The following IL17RD variants were observed in gnomAD, a reference collection of about 807,000 sequenced individuals.
The protein encoded by IL17RD is interleukin-17 receptor D.
IL17RD carries 52 observed loss-of-function variants against 80.5 expected under a neutral mutation model. That is an observed-to-expected ratio of 0.65 (90% CI 0.52 to 0.81). The LOEUF (loss-of-function observed/expected upper bound fraction) is 0.81, where lower values mean the gene tolerates loss of function less well. Among genes scored for constraint, IL17RD ranks in the 40% least tolerant of loss-of-function variants. The pLI is 0.00. For synonymous variants in IL17RD, 416 were observed against 391.8 expected (o/e 1.06, Z -0.73); for missense variants, 1,024 against 955.1 (o/e 1.07, Z -0.95).
At chr3:57,140,512 G>C (rs540604753) in intron 1 of IL17RD, among the ~76,000 whole-genome samples, 1 of 152,316 alleles carries the variant, frequency 6.6e-6, no homozygotes, top group South Asian at 2.1e-4. Flanking sequence ...CAAAAATGGT[G>C]AATGTTTGCA....
chr3:57,156,913 T>C (rs1579321965), intron 1 of IL17RD, among the ~76,000 whole-genome samples: 1 of 152,308 alleles, frequency 6.6e-6, no homozygotes, highest in Middle Eastern at 3.4e-3. Context: ...CTTCTTCATC[T>C]AAGCCTCCCA....
At position 57,106,102 on chromosome 3, in the gene IL17RD, T is replaced by C; in HGVS notation, c.595+8A>G. On this transcript the variant is annotated splice_region_variant and intron_variant, in intron 6 of 12. Transcript: ENST00000296318. ...TGAGACTTGATAGATAAGAACACTA[T>C]TACTTACAGGGTTTACAAGCTAGAT... 6.2e-7 allele frequency: 1 copy of C among 1,611,720 alleles called. No individual in the cohort carries two copies. The highest frequency in any genetic ancestry group is 8.5e-7 in the Non-Finnish European group (1 of 1,177,992).
At chr3:57,104,931 T>C (rs1003168129) in intron 7 of IL17RD, among the ~76,000 whole-genome samples, 13 of 152,148 alleles carry the variant, frequency 8.5e-5, no homozygotes, top group Admixed American at 2.6e-4. Flanking sequence ...GACAGTCCTG[T>C]GAACATCCAT....
intron 1 of IL17RD, among the ~76,000 whole-genome samples, chr3:57,132,041 C>A (rs1299807055): frequency 6.6e-6 from 1 of 152,068 alleles, no homozygotes; most frequent in South Asian, 2.1e-4. Flanking sequence ...AAAATATTAG[C>A]CAGACATGGT....
At chr3:57,118,600 T>G (rs913280470) in intron 2 of IL17RD, among the ~76,000 whole-genome samples, 6 of 152,150 alleles carry the variant, frequency 3.9e-5, no homozygotes, top group Non-Finnish European at 8.8e-5. Flanking sequence ...TACCTTCTTA[T>G]GAATGAAAGG....
chr3:57,167,799 T>C (rs2060354474), upstream of IL17RD, among the ~76,000 whole-genome samples: 1 of 152,204 alleles, frequency 6.6e-6, no homozygotes, highest in Non-Finnish European at 1.5e-5. Flanking sequence ...AGGTAGATCA[T>C]GTTCCTATGT....
chr3:57,098,386 T>C lies in IL17RD; in HGVS notation c.1317A>G (p.Gly439=), dbSNP rs200025574. 47 of 1,613,890 alleles carry C rather than the reference T, an allele frequency of 2.9e-5. No homozygotes were observed. Among genetic ancestry groups the C allele is most frequent in the Non-Finnish European group, 3.6e-5 (43 of 1,179,900 alleles). ...CTCCTTTCCCCGAGCCTCGGCCACC[T>C]CCTTTGTGTTTGTAGTTCTTCTTGT... ...FVDKKNYKHK[G]GGRGSGKGEL... The change falls in exon 12 of 13, where the codon GGA becomes GGG. Residue 439 remains glycine, a synonymous_variant. Transcript: ENST00000296318.
chr3:57,110,001 A>G (rs1707057739), intron 4 of IL17RD, among the ~76,000 whole-genome samples, 192 bp downstream of exon 4: 1 of 152,204 alleles, frequency 6.6e-6, no homozygotes, highest in South Asian at 2.1e-4. Flanking sequence ...GCATGTTTAC[A>G]CAGGGAGGTG....
chr3:57,163,952 C>A (rs987101338), intron 1 of IL17RD, among the ~76,000 whole-genome samples: 1 of 152,144 alleles, frequency 6.6e-6, no homozygotes, highest in Non-Finnish European at 1.5e-5. Context: ...TTGGAGGCAC[C>A]AGCCTGCGTG....
rs1277269016 is a variant in IL17RD at position 57,098,114 on chromosome 3, C to T, written c.1589G>A (p.Arg530Lys). The T allele has an allele frequency of 3.1e-6, 5 of 1,613,972 alleles. No individual in the cohort carries two copies. Among genetic ancestry groups the T allele is most frequent in the Non-Finnish European group, 3.4e-6 (4 of 1,179,890 alleles). The change falls in exon 12 of 13, where the codon AGA (arginine) becomes AAA (lysine). Residue 530 changes from arginine to lysine, a missense_variant. Arg to Lys is a conservative substitution (Grantham distance 26). Coordinates refer to ENST00000296318, the MANE Select transcript of IL17RD (RefSeq NM_017563.5). Reference protein sequence around the residue: ...EPGQHTRQGSRRNYFRSKSGR... With the variant: ...EPGQHTRQGSKRNYFRSKSGR... ...TGACTTGCTCCGGAAGTAGTTCCTT[C>T]TGCTGCCCTGTCGCGTGTGCTGCCC...
At chr3:57,163,169 G>A (rs2107548633) in intron 1 of IL17RD, among the ~76,000 whole-genome samples, 1 of 152,316 alleles carries the variant, frequency 6.6e-6, no homozygotes, top group African/African-American at 2.4e-5. Flanking sequence ...TATCAGCCTG[G>A]ATGAGCCTGG....
chr3:57,125,361 C>T (rs895484373), intron 1 of IL17RD, among the ~76,000 whole-genome samples: 3 of 151,988 alleles, frequency 2.0e-5, no homozygotes, highest in Admixed American at 6.5e-5. Context: ...GAGCCAAGAT[C>T]GCGCCATTTC....
chr3:57,096,430 C>T lies in IL17RD; in HGVS notation c.2183G>A (p.Ser728Asn), dbSNP rs1354717642. The change falls in exon 13 of 13, where the codon AGC becomes AAC. Residue 728 changes from serine to asparagine, a missense_variant. Coordinates refer to ENST00000296318, the MANE Select transcript of IL17RD (RefSeq NM_017563.5). Reference sequence around the variant, plus strand: ...GACCGCGTGGAGTTCATCAGTGTAGCTGCGGCAACCAAGATCTGCTTTGCA... The same window carrying T: ...GACCGCGTGGAGTTCATCAGTGTAGTTGCGGCAACCAAGATCTGCTTTGCA... ...GSCKADLGCR[S>N]YTDELHAVAP... 22 of 1,613,992 alleles carry T rather than the reference C, an allele frequency of 1.4e-5. No homozygotes were observed. The highest frequency in any genetic ancestry group is 1.9e-5 in the Non-Finnish European group (22 of 1,179,874).
intron 1 of IL17RD, among the ~76,000 whole-genome samples, chr3:57,145,561 A>G (rs1321333042): frequency 6.6e-6 from 1 of 152,192 alleles, no homozygotes; most frequent in African/African-American, 2.4e-5. Flanking sequence ...GATCTGCAAC[A>G]ATGGTCAGAG....
intron 1 of IL17RD, among the ~76,000 whole-genome samples, chr3:57,163,785 C>CGGGGGG: frequency 6.3e-5 from 1 of 15,962 alleles, no homozygotes; most frequent in East Asian, 1.0e-3. Flanking sequence ...CCTAATGGGG[C>CGGGGGG]GGGGGGGCGG....
chr3:57,151,235 A>G (rs1708054252), intron 1 of IL17RD, among the ~76,000 whole-genome samples: 1 of 152,172 alleles, frequency 6.6e-6, no homozygotes, highest in South Asian at 2.1e-4. Context: ...AACAGATGAC[A>G]TCCAGTACAA....
At chr3:57,142,402 T>C in intron 1 of IL17RD, 3 of 672,338 alleles carry the variant, frequency 4.5e-6, no homozygotes, top group Non-Finnish European at 7.0e-6. Flanking sequence ...AGGAGAGACA[T>C]TTTATTAAAA....
At chr3:57,125,686 AAGAC>A (rs779148524) in intron 1 of IL17RD, among the ~76,000 whole-genome samples, 4 of 152,188 alleles carry the variant, frequency 2.6e-5, no homozygotes, top group Non-Finnish European at 5.9e-5. Context: ...TGTGGAAGAT[AAGAC>A]AGACAGACAG....
chr3:57,130,878 G>A (rs1226786697), intron 1 of IL17RD, among the ~76,000 whole-genome samples: 3 of 152,180 alleles, frequency 2.0e-5, no homozygotes, highest in South Asian at 2.1e-4. Flanking sequence ...CAGCAGTGCC[G>A]GCTCCAGGTG....
Sources: gnomAD v4.1 joint callset for allele counts (sites outside exome capture counted in the v4.1 genomes callset) on GRCh38, gnomAD v4.1.1 for gene constraint, MANE v1.5 for transcripts, NCBI Gene and HGNC (gene_info 2026-07-23, HGNC 2026-07-21) for gene names.